Variants in KLRG1 observed in about 807,000 individuals in gnomAD.
KLRG1 encodes the protein killer cell lectin like receptor G1.
In KLRG1, 16 loss-of-function variants were observed where a neutral mutation model predicts 21.8. The ratio of observed to expected loss-of-function variants is 0.73; its 90% CI spans 0.50 to 1.11. KLRG1 has a LOEUF of 1.11. KLRG1 is among the 50% of genes most tolerant of loss of function. The pLI, the probability that KLRG1 is intolerant of heterozygous loss-of-function variation, is 0.00. For missense variants in KLRG1, 173 were observed against 218.3 expected, an observed-to-expected ratio of 0.79 and a Z score of 1.31; for synonymous variants, 69 against 75.9, an observed-to-expected ratio of 0.91 and a Z score of 0.47.
chr12:8,983,810 T>C (rs1284298645), intron 1 of KLRG1, among the ~76,000 whole-genome samples: 1 of 152,216 alleles, frequency 6.6e-6, no homozygotes, highest in Non-Finnish European at 1.5e-5. Flanking sequence ...TGTTATTTAT[T>C]TTCCTCTGGC....
chr12:9,158,492 C>G, the KLRG1 span: 2 of 1,614,122 alleles, frequency 1.2e-6, no homozygotes, highest in Non-Finnish European at 1.7e-6. Context: ...GGGAGAGCCA[C>G]GTGAGAGATT....
the KLRG1 span, among the ~76,000 whole-genome samples, chr12:9,021,121 CACTT>C: frequency 1.3e-5 from 2 of 152,124 alleles, no homozygotes; most frequent in African/African-American, 2.4e-5. Context: ...CTGCATATGA[CACTT>C]ACCATGAATG....
the KLRG1 span, chr12:9,076,812 T>G: frequency 6.2e-7 from 1 of 1,614,022 alleles, no homozygotes; most frequent in South Asian, 1.1e-5. Context: ...CTTGTCCTGG[T>G]TACCTGCCAG....
At chr12:9,120,857 G>A in the KLRG1 span, among the ~76,000 whole-genome samples, 207 of 149,492 alleles carry the variant, frequency 1.4e-3, 1 homozygote, top group African/African-American at 4.2e-3. Flanking sequence ...ACTAACGTGT[G>A]TGTGTGTGTG....
the KLRG1 span, chr12:9,055,779 T>C: frequency 6.6e-6 from 1 of 152,640 alleles, no homozygotes; most frequent in African/African-American, 2.4e-5. Flanking sequence ...GACTTCGGGC[T>C]TGCCAAGGAG....
the KLRG1 span, among the ~76,000 whole-genome samples, chr12:9,120,338 T>G: frequency 6.6e-6 from 1 of 151,200 alleles, no homozygotes; most frequent in Non-Finnish European, 1.5e-5. Flanking sequence ...AAAGCTGAGG[T>G]AAAGGGGTAG....
At chr12:9,072,276 G>T in the KLRG1 span, 5 of 1,482,512 alleles carry the variant, frequency 3.4e-6, no homozygotes, top group Non-Finnish European at 4.6e-6. Flanking sequence ...ATCTACTGTT[G>T]CACTGCTTTA....
the KLRG1 span, among the ~76,000 whole-genome samples, chr12:9,189,485 A>T: frequency 6.6e-6 from 1 of 152,244 alleles, no homozygotes; most frequent in Non-Finnish European, 1.5e-5. Context: ...ATGCACAAAA[A>T]TCAACTCAAG....
chr12:9,014,758 GA>G (rs1322481487), downstream of KLRG1, among the ~76,000 whole-genome samples: 3 of 150,312 alleles, frequency 2.0e-5, no homozygotes, highest in Admixed American at 6.6e-5. Context: ...ATCTTGAGTA[GA>G]AAGACTAAAA....
chr12:9,190,355 A>C, the KLRG1 span, among the ~76,000 whole-genome samples: 25 of 152,362 alleles, frequency 1.6e-4, 1 homozygote, highest in East Asian at 3.5e-3. Flanking sequence ...AGGAGCATAC[A>C]TGGAGCTAGA....
the KLRG1 span, chr12:9,160,948 C>T: frequency 5.1e-5 from 58 of 1,132,830 alleles, no homozygotes; most frequent in South Asian, 7.0e-4. Flanking sequence ...CTATCAAGAA[C>T]TTGATAATTC....
the KLRG1 span, chr12:9,107,636 T>C: frequency 2.0e-5 from 33 of 1,613,792 alleles, no homozygotes; most frequent in Middle Eastern, 3.3e-4. Flanking sequence ...AGGCTTCCCA[T>C]ATGTGTATCT....
intron 3 of KLRG1, 151 bp from the exon 4 acceptor site, chr12:9,008,824 T>C: frequency 1.7e-6 from 1 of 601,876 alleles, no homozygotes; most frequent in Non-Finnish European, 3.0e-6. Context: ...ACGCATTCAG[T>C]CCTTAAGAGT....
chr12:9,077,114 T>C, the KLRG1 span, among the ~76,000 whole-genome samples: 7 of 152,350 alleles, frequency 4.6e-5, no homozygotes, highest in Non-Finnish European at 1.0e-4. Flanking sequence ...AAAAGATACA[T>C]CTTTAAGATT....
At chr12:9,148,600 C>T in the KLRG1 span, among the ~76,000 whole-genome samples, 1 of 152,078 alleles carries the variant, frequency 6.6e-6, no homozygotes, top group Non-Finnish European at 1.5e-5. Flanking sequence ...AATCTTCTGA[C>T]CCTTCCAGTC....
the KLRG1 span, among the ~76,000 whole-genome samples, chr12:9,097,483 A>G: frequency 6.6e-6 from 1 of 152,160 alleles, no homozygotes; most frequent in South Asian, 2.1e-4. Flanking sequence ...TATTTCTTCT[A>G]TTAGCTCCAT....
intron 1 of KLRG1, 60 bp downstream of exon 1, chr12:8,989,777 G>A (rs1946913911): frequency 2.2e-6 from 2 of 904,714 alleles, no homozygotes; most frequent in Non-Finnish European, 3.6e-6. Flanking sequence ...ATGGATGAAT[G>A]GGGAGTAGAA....
chr12:9,181,080 A>G, the KLRG1 span: 3 of 1,614,190 alleles, frequency 1.9e-6, no homozygotes, highest in Non-Finnish European at 2.5e-6. Context: ...TGCTACTTGC[A>G]GGTGGGCATG....
At chr12:8,970,403 A>C (rs1946547015) in intron 1 of KLRG1, 1 of 152,234 alleles carries the variant, frequency 6.6e-6, no homozygotes, top group Admixed American at 6.5e-5. Flanking sequence ...AAATTGACAG[A>C]CACTAACTAC....
Sources: gnomAD v4.1 joint callset for allele counts (sites outside exome capture counted in the v4.1 genomes callset) on GRCh38, gnomAD v4.1.1 for gene constraint, MANE v1.5 for transcripts, NCBI Gene and HGNC (gene_info 2026-07-23, HGNC 2026-07-21) for gene names.